NANP: variants seen among roughly 807,000 people sequenced by gnomAD.
NANP encodes N-acetylneuraminic acid phosphatase.
In NANP, 15 loss-of-function variants were observed where a neutral mutation model predicts 16.9. The observed-to-expected ratio is 0.89, with a 90% CI of 0.59 to 1.37. The LOEUF is 1.37. NANP is among the 40% of genes most tolerant of loss of function. The pLI is 0.00. For synonymous variants in NANP, 135 were observed against 112.6 expected (o/e 1.20, Z -1.26); for missense variants, 290 against 303.5 (o/e 0.96, Z 0.33).
chr20:25,623,260 G>C (rs1482342748), intron 1 of NANP, among the ~76,000 whole-genome samples: 1 of 152,232 alleles, frequency 6.6e-6, no homozygotes, highest in East Asian at 1.9e-4. Context: ...TGCCCTCGCA[G>C]CACGGGCTTT....
At chr20:25,618,782 T>A (rs143928592) in intron 1 of NANP, among the ~76,000 whole-genome samples, 1 of 152,228 alleles carries the variant, frequency 6.6e-6, no homozygotes, top group East Asian at 1.9e-4. Context: ...AATCTCCAGC[T>A]GCTCACAGCA....
intron 1 of NANP, among the ~76,000 whole-genome samples, chr20:25,622,464 G>A (rs1167924467): frequency 6.6e-6 from 1 of 152,236 alleles, no homozygotes; most frequent in Non-Finnish European, 1.5e-5. Flanking sequence ...TGGGAGAGCT[G>A]TGATTCATAT....
At chr20:25,623,517 C>T (rs1262164837) in intron 1 of NANP, among the ~76,000 whole-genome samples, 2 of 152,226 alleles carry the variant, frequency 1.3e-5, no homozygotes, top group African/African-American at 2.4e-5. Context: ...GCGGGACCAG[C>T]GCCTGGTCTC....
rs2065334717 is a variant in NANP at position 25,614,529 on chromosome 20, G to T, written c.*1396C>A. 6.6e-6 allele frequency: 1 copy of T among 151,498 alleles called. No homozygotes were observed. The highest frequency in any genetic ancestry group is 2.4e-5 in the African/African-American group (1 of 40,866). 9.4% of individuals were successfully genotyped at this position (151,498 alleles called of 1,614,324 possible). On this transcript the variant is annotated 3_prime_UTR_variant, in exon 2 of 2. Coordinates refer to ENST00000304788, the MANE Select transcript of NANP (RefSeq NM_152667.3). ...TTGCTATGTAGCCATTAATTATTAA[G>T]CTCCTGGTAAACCCTGAATTAGATA...
In NANP at chr20:25,614,362, A is replaced by T. The variant is rs1323628730; in HGVS notation, c.*1563T>A. The T allele has an allele frequency of 6.6e-6, 1 of 152,278 alleles. No individual in the cohort carries two copies. Among genetic ancestry groups the T allele is most frequent in the East Asian group, 1.9e-4 (1 of 5,198 alleles). The allele number at this position is 152,278 out of a possible 1,614,324, so 9.4% of individuals were successfully genotyped here. A position where few individuals can be genotyped will look rare whatever the true frequency, so the allele number is the denominator to read the frequency against. On this transcript the variant is annotated 3_prime_UTR_variant, in exon 2 of 2. Coordinates refer to ENST00000304788, the MANE Select transcript of NANP (RefSeq NM_152667.3). ...AGAAAAACATATCAAAAACCAACCT[A>T]AATCATATTTATTAACCACTTTAAT...
chr20:25,623,224 C>T (rs1194136507), intron 1 of NANP, among the ~76,000 whole-genome samples: 3 of 152,184 alleles, frequency 2.0e-5, no homozygotes, highest in Non-Finnish European at 2.9e-5. Context: ...GGGGCAGTGC[C>T]GCGGAGGAGC....
At chr20:25,617,758 C>A (rs2065349449) in intron 1 of NANP, among the ~76,000 whole-genome samples, 1 of 152,264 alleles carries the variant, frequency 6.6e-6, no homozygotes, top group South Asian at 2.1e-4. Flanking sequence ...CCCAAGTGAT[C>A]TTCCTGCCTC....
chr20:25,623,802 G>C, intron 1 of NANP, 57 bp downstream of exon 1: 1 of 1,514,774 alleles, frequency 6.6e-7, no homozygotes, highest in Non-Finnish European at 9.1e-7. Flanking sequence ...TGAGCGTGCA[G>C]GACGGGGCGG....
At chr20:25,618,888 ACTGTCTGCACTGGAAATC>A (rs1439625827) in intron 1 of NANP, among the ~76,000 whole-genome samples, 1 of 152,054 alleles carries the variant, frequency 6.6e-6, no homozygotes, top group Non-Finnish European at 1.5e-5. Context: ...CGCCTCAAGA[ACTGTCTGCACTGGAAATC>A]CTGTGTTCAG....
chr20:25,616,643 A>G, intron 1 of NANP, 62 bp from the exon 2 acceptor site: 1 of 1,331,922 alleles, frequency 7.5e-7, no homozygotes, highest in South Asian at 1.5e-5. Flanking sequence ...TGCCCTAGGA[A>G]GCTGTGATCC....
Position 25,613,421 on chromosome 20 carries a change from A to C in NANP, c.*2504T>G, listed in dbSNP as rs2065329742. The C allele has an allele frequency of 6.4e-6, 1 of 157,404 alleles. No individual in the cohort carries two copies. The highest frequency in any genetic ancestry group is 2.4e-5 in the African/African-American group (1 of 41,742). The allele number at this position is 157,404 out of a possible 1,614,324, so 9.8% of individuals were successfully genotyped here. A position where few individuals can be genotyped will look rare whatever the true frequency, so the allele number is the denominator to read the frequency against. On this transcript the variant is annotated 3_prime_UTR_variant, in exon 2 of 2. Coordinates refer to ENST00000304788, the MANE Select transcript of NANP (RefSeq NM_152667.3). Reference sequence around the variant, plus strand: ...TGCTGGTATTCCAGGTGCAGTGTCCATTCATGTCTGTTCTAGGCCCACCTC... The same window carrying C: ...TGCTGGTATTCCAGGTGCAGTGTCCCTTCATGTCTGTTCTAGGCCCACCTC...
At chr20:25,618,182 C>T (rs1400783920) in intron 1 of NANP, among the ~76,000 whole-genome samples, 1 of 126,812 alleles carries the variant, frequency 7.9e-6, no homozygotes, top group Non-Finnish European at 1.5e-5. Context: ...TATACAACCA[C>T]TACAAATCAT....
intron 1 of NANP, among the ~76,000 whole-genome samples, chr20:25,623,016 C>T (rs908211792): frequency 1.3e-5 from 2 of 152,170 alleles, no homozygotes; most frequent in Admixed American, 1.3e-4. Flanking sequence ...AGTGGAAGAT[C>T]CAGGGACACA....
In NANP at chr20:25,616,168, G is replaced by A; in HGVS notation, c.504C>T (p.Ser168=). 2 of 1,614,078 alleles carry A rather than the reference G, an allele frequency of 1.2e-6. No individual in the cohort carries two copies. Among genetic ancestry groups the A allele is most frequent in the Non-Finnish European group, 1.7e-6 (2 of 1,180,026 alleles). Residue 168 remains serine (S), a synonymous_variant, in exon 2 of 2, where the codon TCC becomes TCT. Coordinates refer to ENST00000304788, the MANE Select transcript of NANP (RefSeq NM_152667.3). ...GEQREEKPAP[S]IFYYCCNLLG... is the part of the protein sequence containing the mutation. Reference sequence around the variant, plus strand: ...GAAGATTGCAGCAGTAATAAAATATGGACGGTGCTGGTTTCTCCTCTCTCT... The same window carrying A: ...GAAGATTGCAGCAGTAATAAAATATAGACGGTGCTGGTTTCTCCTCTCTCT...
chr20:25,623,684 C>T (rs1405688904), intron 1 of NANP, among the ~76,000 whole-genome samples, 175 bp downstream of exon 1: 1 of 152,188 alleles, frequency 6.6e-6, no homozygotes, highest in African/African-American at 2.4e-5. Flanking sequence ...GGAAAGCAGA[C>T]CCGCAGGGCC....
intron 1 of NANP, among the ~76,000 whole-genome samples, chr20:25,621,196 A>C (rs992553405): frequency 6.6e-6 from 1 of 152,190 alleles, no homozygotes; most frequent in Non-Finnish European, 1.5e-5. Context: ...CTGTGCACAA[A>C]CATCACCTAC....
At chr20:25,620,313 G>A (rs1356188543) in intron 1 of NANP, among the ~76,000 whole-genome samples, 1 of 152,160 alleles carries the variant, frequency 6.6e-6, no homozygotes, top group Non-Finnish European at 1.5e-5. Flanking sequence ...GAGCCCACAA[G>A]GTGCTCGCTG....
At position 25,623,935 on chromosome 20, in the gene NANP, C is replaced by G; in HGVS notation, c.14G>C (p.Arg5Pro). 1 of 1,613,144 alleles carries G rather than the reference C, an allele frequency of 6.2e-7. No homozygotes were observed. Among genetic ancestry groups the G allele is most frequent in the Non-Finnish European group, 8.5e-7 (1 of 1,179,776 alleles). The change falls in exon 1 of 2, where the codon CGC (arginine) becomes CCC (proline). Residue 5 changes from arginine (R) to proline (P), a missense_variant. Arg to Pro is a moderately radical substitution (Grantham distance 103). Transcript: ENST00000304788. ...CAAGTCAAAGAAAACCGCCCGCACGCGGCTCAGCCCCATAGCGCCGGCCGC... is the reference window on the plus strand; with the variant it reads ...CAAGTCAAAGAAAACCGCCCGCACGGGGCTCAGCCCCATAGCGCCGGCCGC... MGLS[R>P]VRAVFFDLDN...
chr20:25,623,924 C>G lies in NANP; in HGVS notation c.25G>C (p.Val9Leu). Residue 9 changes from valine (V) to leucine (L), a missense_variant, in exon 1 of 2, where the codon GTT becomes CTT. Physicochemically the swap from Val to Leu is conservative, Grantham distance 32. Coordinates refer to ENST00000304788, the MANE Select transcript of NANP (RefSeq NM_152667.3). ...AGAGTGTTGTCCAAGTCAAAGAAAACCGCCCGCACGCGGCTCAGCCCCATA... is the reference window on the plus strand; with the variant it reads ...AGAGTGTTGTCCAAGTCAAAGAAAAGCGCCCGCACGCGGCTCAGCCCCATA... MGLSRVRA[V>L]FFDLDNTLID... 6.2e-7 allele frequency: 1 copy of G among 1,613,404 alleles called. No homozygotes were observed. The highest frequency in any genetic ancestry group is 8.5e-7 in the Non-Finnish European group (1 of 1,179,758).
Sources: gnomAD v4.1 joint callset for allele counts (sites outside exome capture counted in the v4.1 genomes callset) on GRCh38, gnomAD v4.1.1 for gene constraint, MANE v1.5 for transcripts, NCBI Gene and HGNC (gene_info 2026-07-23, HGNC 2026-07-21) for gene names.